The following ROBO2 variants were observed in gnomAD, a reference collection of about 807,000 sequenced individuals.
ROBO2 encodes the protein roundabout homolog 2.
A neutral mutation model predicts 160.8 loss-of-function variants in ROBO2; 53 were observed. The ratio of observed to expected loss-of-function variants is 0.33; its 90% CI spans 0.26 to 0.41. The LOEUF is 0.41. Among genes scored for constraint, ROBO2 ranks in the 10% least tolerant of loss-of-function variants. The pLI, the probability that ROBO2 is intolerant of heterozygous loss-of-function variation, is 1.00. For missense variants in ROBO2, 1,577 were observed against 1,722.4 expected (o/e 0.92, Z 1.49); for synonymous variants, 664 against 611.7 (o/e 1.09, Z -1.26).
rs559579661 is a variant in ROBO2 at position 77,510,936 on chromosome 3, G to A, written c.807-11839G>A. ...AAACCCTCAGTAAAGACCCAGATTT[G>A]CATTAAGGCATGAAGAAGAAATATC... On this transcript the variant is annotated intron_variant, in intron 5 of 25. Coordinates refer to ENST00000461745, the Ensembl canonical transcript of ROBO2. Among the ~76,000 whole-genome samples the A allele has an allele frequency of 5.9e-5, 9 of 152,048 alleles. No homozygotes were observed. In the South Asian group the frequency reaches 1.7e-3, roughly 28 times the overall value.
intron 1 of ROBO2, among the ~76,000 whole-genome samples, chr3:77,082,782 A>AG (rs2068811313): frequency 6.6e-6 from 1 of 151,312 alleles, no homozygotes; most frequent in African/African-American, 2.5e-5. Flanking sequence ...TGATGAGTGA[A>AG]TGTGTATTTA....
chr3:75,957,059 T>G (rs1303550377), intron 2 of ROBO2, among the ~76,000 whole-genome samples: 1 of 151,758 alleles, frequency 6.6e-6, no homozygotes, highest in African/African-American at 2.4e-5. Flanking sequence ...TCATTATTAA[T>G]TTATTTTATG....
intron 2 of ROBO2, among the ~76,000 whole-genome samples, chr3:75,975,507 T>A (rs1306152146): frequency 1.3e-5 from 2 of 151,464 alleles, no homozygotes; most frequent in Admixed American, 6.6e-5. Flanking sequence ...TAGATCATTT[T>A]GAAATGATTT....
intron 2 of ROBO2, among the ~76,000 whole-genome samples, chr3:75,991,417 G>A (rs1385639658): frequency 1.3e-5 from 2 of 152,100 alleles, no homozygotes; most frequent in African/African-American, 4.8e-5. Context: ...AGTCTCACAA[G>A]ATCTGATGGT....
chr3:76,983,972 T>G (rs972690323), intron 2 of ROBO2, among the ~76,000 whole-genome samples: 1 of 152,188 alleles, frequency 6.6e-6, no homozygotes, highest in African/African-American at 2.4e-5. Flanking sequence ...CATGGCAGAA[T>G]GCAAAGGAGA....
chr3:76,404,826 C>T (rs1018665829), intron 2 of ROBO2, among the ~76,000 whole-genome samples: 47 of 151,390 alleles, frequency 3.1e-4, no homozygotes, highest in African/African-American at 8.7e-4. Flanking sequence ...AAAAGTTAAA[C>T]GATAATTCCG....
chr3:76,830,695 G>A (rs930529592), intron 2 of ROBO2, among the ~76,000 whole-genome samples: 3 of 148,062 alleles, frequency 2.0e-5, no homozygotes, highest in Non-Finnish European at 4.5e-5. Context: ...GTCACCTAGG[G>A]GCTGGGCACG....
chr3:77,231,311 C>G (rs368705702), intron 2 of ROBO2, among the ~76,000 whole-genome samples: 1 of 126,952 alleles, frequency 7.9e-6, no homozygotes, highest in Non-Finnish European at 1.6e-5. Context: ...TGCAGTGAGC[C>G]AAGATCACGC....
At chr3:76,830,811 T>TAAAAA (rs10666160) in intron 2 of ROBO2, among the ~76,000 whole-genome samples, 3 of 132,552 alleles carry the variant, frequency 2.3e-5, no homozygotes, top group South Asian at 2.6e-4. Flanking sequence ...ACCTCATTTC[T>TAAAAA]AAAAAAAAAA....
At position 77,000,362 on chromosome 3, in the gene ROBO2, C is replaced by T. The variant is rs369186145; in HGVS notation, c.110-97652C>T. ...AAGCACCCAATAGATCCACACCCTG[C>T]CTCCAGAGCTTCCCCTTTGCCAGCC... On this transcript the variant is annotated intron_variant, in intron 2 of 26. Transcript: ENST00000487694. Among the ~76,000 whole-genome samples the T allele has an allele frequency of 4.5e-4, 69 of 152,274 alleles. 2 individuals carry two copies. The East Asian group carries it at 7.9e-3, about 17-fold the overall frequency.
rs182813439 is a variant in ROBO2 at position 76,789,664 on chromosome 3, C to G, written c.110-308350C>G. On this transcript the variant is annotated intron_variant, in intron 2 of 26. Transcript: ENST00000487694. ...CCAAGTTCATAAACTGTAGTGAGAGCCTTACTCAAATCAATGTAGAGTTTA... is the reference window on the plus strand; with the variant it reads ...CCAAGTTCATAAACTGTAGTGAGAGGCTTACTCAAATCAATGTAGAGTTTA... 7.9e-5 allele frequency among the ~76,000 whole-genome samples: 12 copies of G among 151,708 alleles called. No homozygotes were observed. The East Asian group carries it at 1.8e-3, about 22-fold the overall frequency.
At chr3:77,166,561 G>A (rs566760335) in intron 2 of ROBO2, among the ~76,000 whole-genome samples, 3 of 150,762 alleles carry the variant, frequency 2.0e-5, no homozygotes, top group Non-Finnish European at 4.4e-5. Context: ...TGTTTTTTTT[G>A]TTTGTTTGTT....
chr3:77,255,010 C>A (rs142467963), intron 2 of ROBO2, among the ~76,000 whole-genome samples: 96 of 152,296 alleles, frequency 6.3e-4, no homozygotes, highest in African/African-American at 2.2e-3. Flanking sequence ...AAAGTTTAAA[C>A]TGTGCTGTTA....
chr3:76,419,762 A>T (rs1012840530), intron 2 of ROBO2, among the ~76,000 whole-genome samples: 1 of 152,158 alleles, frequency 6.6e-6, no homozygotes, highest in Non-Finnish European at 1.5e-5. Context: ...AATGGGAATC[A>T]TGTAGCTGAA....
At chr3:76,939,948 A>G (rs2078046642) in intron 2 of ROBO2, among the ~76,000 whole-genome samples, 1 of 151,080 alleles carries the variant, frequency 6.6e-6, no homozygotes, top group South Asian at 2.1e-4. Flanking sequence ...TTGAAGGAAG[A>G]AAGGTGGCAG....
At chr3:77,125,618 G>T (rs1315665773) in intron 2 of ROBO2, among the ~76,000 whole-genome samples, 1 of 152,102 alleles carries the variant, frequency 6.6e-6, no homozygotes, top group Non-Finnish European at 1.5e-5. Context: ...GATCAAAAGT[G>T]TGATCTGAGT....
chr3:76,050,478 C>T (rs1017751142), intron 2 of ROBO2, among the ~76,000 whole-genome samples: 2 of 152,148 alleles, frequency 1.3e-5, no homozygotes, highest in African/African-American at 4.8e-5. Flanking sequence ...ACCTTATGAT[C>T]ATGTGAGTCA....
intron 2 of ROBO2, among the ~76,000 whole-genome samples, chr3:77,360,187 G>T (rs903709012): frequency 1.3e-5 from 2 of 152,006 alleles, no homozygotes; most frequent in African/African-American, 4.8e-5. Context: ...TGTCAGGGCC[G>T]GCGGGGAGTG....
chr3:77,632,383 T>C, intron 23 of ROBO2: 8 of 897,188 alleles, frequency 8.9e-6, no homozygotes, highest in South Asian at 8.3e-5. Flanking sequence ...GGAAGAAGCA[T>C]GGACAACTTA....
Sources: gnomAD v4.1 joint callset for allele counts (sites outside exome capture counted in the v4.1 genomes callset) on GRCh38, gnomAD v4.1.1 for gene constraint, MANE v1.5 for transcripts, NCBI Gene and HGNC (gene_info 2026-07-23, HGNC 2026-07-21) for gene names.